ACSBG1: variants seen among roughly 807,000 people sequenced by gnomAD.
ACSBG1 encodes acyl-CoA synthetase bubblegum family member 1, also known as long-chain-fatty-acid--CoA ligase ACSBG1.
A neutral mutation model predicts 80.2 loss-of-function variants in ACSBG1; 39 were observed. That is an observed-to-expected ratio of 0.49 (90% CI 0.38 to 0.64). The LOEUF (loss-of-function observed/expected upper bound fraction) is 0.64. ACSBG1 is among the 30% of genes least tolerant of loss of function. ACSBG1 has a pLI of 0.00. For synonymous variants in ACSBG1, 392 were observed against 379.5 expected, an observed-to-expected ratio of 1.03 and a Z score of -0.38; for missense variants, 828 against 966.4, an observed-to-expected ratio of 0.86 and a Z score of 1.90.
chr15:78,223,553 C>T (rs1243281832), intron 1 of ACSBG1, among the ~76,000 whole-genome samples: 2 of 152,186 alleles, frequency 1.3e-5, no homozygotes, highest in South Asian at 2.1e-4. Flanking sequence ...AGTCCCTAGC[C>T]TCAGCCACCA....
intron 1 of ACSBG1, chr15:78,212,422 G>A (rs1021058510): frequency 1.3e-5 from 5 of 375,936 alleles, no homozygotes; most frequent in African/African-American, 9.2e-5. Flanking sequence ...AAGATTGAGA[G>A]GGTGACCAGC....
In ACSBG1 at chr15:78,171,538, G is replaced by T. The variant is rs758437551; in HGVS notation, c.2090-9C>A. On this transcript the variant is annotated splice_polypyrimidine_tract_variant and intron_variant, in intron 13 of 13. Coordinates refer to ENST00000258873, the MANE Select transcript of ACSBG1 (RefSeq NM_015162.5). Reference sequence around the variant, plus strand: ...CAGTTTCATCGTGGGACCTAAAAGGGAAATGAGAAGAAATGAGTGAGGCCC... The same window carrying T: ...CAGTTTCATCGTGGGACCTAAAAGGTAAATGAGAAGAAATGAGTGAGGCCC... 2 of 1,607,450 alleles carry T rather than the reference G, an allele frequency of 1.2e-6. No individual in the cohort carries two copies. Among genetic ancestry groups the T allele is most frequent in the Admixed American group, 1.7e-5 (1 of 59,990 alleles).
intron 1 of ACSBG1, among the ~76,000 whole-genome samples, chr15:78,223,269 G>A (rs753134468): frequency 2.0e-5 from 3 of 150,742 alleles, no homozygotes; most frequent in Non-Finnish European, 4.4e-5. Flanking sequence ...ACATAGGGAG[G>A]GGCCTGTTGG....
Position 78,169,746 on chromosome 15 carries a change from G to A in ACSBG1, c.*1698C>T, listed in dbSNP as rs1440763790. 6.6e-6 allele frequency: 1 copy of A among 152,202 alleles called. No individual in the cohort carries two copies. Among genetic ancestry groups the A allele is most frequent in the African/African-American group, 2.4e-5 (1 of 41,442 alleles). The allele number at this position is 152,202 out of a possible 1,614,324, so 9.4% of individuals were successfully genotyped here. ...TTCCAAGAGCTTTTAATGAAGCAGA[G>A]AGCTAGTACTTCATTTTCACTGGAT... On this transcript the variant is annotated 3_prime_UTR_variant, in exon 14 of 14. Coordinates refer to ENST00000258873, the MANE Select transcript of ACSBG1 (RefSeq NM_015162.5).
intron 1 of ACSBG1, chr15:78,213,496 G>A (rs1175131585): frequency 6.6e-6 from 1 of 152,392 alleles, no homozygotes; most frequent in Non-Finnish European, 1.5e-5. Flanking sequence ...CTCAGCTAAG[G>A]CATGCTGAGT....
At chr15:78,216,177 C>A (rs888478616) in intron 1 of ACSBG1, among the ~76,000 whole-genome samples, 2 of 152,180 alleles carry the variant, frequency 1.3e-5, no homozygotes, top group Non-Finnish European at 2.9e-5. Flanking sequence ...CCCTGAGGAT[C>A]CTCCTTCCTT....
chr15:78,194,596 A>C lies in ACSBG1; in HGVS notation c.363T>G (p.Ala121=). The C allele has an allele frequency of 6.2e-7, 1 of 1,614,260 alleles. No homozygotes were observed. Among genetic ancestry groups the C allele is most frequent in the Non-Finnish European group, 8.5e-7 (1 of 1,180,044 alleles). The change falls in exon 3 of 14, where the codon GCT becomes GCG. Residue 121 remains alanine, a synonymous_variant. Transcript: ENST00000258873. The part of the protein sequence containing the change: ...EALDKYGDLI[A]LGFKRQDKWE... ...ACTTGTCCTGGCGCTTGAAGCCCAA[A>C]GCGATGAGGTCCCCATACTTATCCA...
At chr15:78,211,449 G>A (rs150549739) in intron 1 of ACSBG1, among the ~76,000 whole-genome samples, 1 of 152,188 alleles carries the variant, frequency 6.6e-6, no homozygotes, top group East Asian at 1.9e-4. Context: ...GAATTCCCAG[G>A]AGGAAGAAGA....
intron 4 of ACSBG1, 79 bp downstream of exon 4, chr15:78,193,853 A>G: frequency 1.3e-6 from 2 of 1,536,226 alleles, no homozygotes; most frequent in Non-Finnish European, 1.8e-6. Context: ...GGGGGCTGCT[A>G]AAAAGAGATA....
chr15:78,198,331 G>A (rs1170282217), intron 2 of ACSBG1, among the ~76,000 whole-genome samples: 2 of 150,686 alleles, frequency 1.3e-5, no homozygotes, highest in Non-Finnish European at 3.0e-5. Flanking sequence ...GTGAGCCACC[G>A]TGCCCAGCCA....
In ACSBG1 at chr15:78,172,458, C is replaced by G. The variant is rs1201759315; in HGVS notation, c.2090-929G>C. Among the ~76,000 whole-genome samples, 1 of 152,128 alleles carries G rather than the reference C, an allele frequency of 6.6e-6. No homozygotes were observed. The highest frequency in any genetic ancestry group is 2.4e-5 in the African/African-American group (1 of 41,416). ...TCTTCCCCTAATTACTTTTCTTAAC[C>G]TTGATTTATCCCCCAAAAGCAAGTT... is the stretch of plus-strand genomic sequence containing the variant. On this transcript the variant is annotated intron_variant, in intron 13 of 13. Coordinates refer to ENST00000258873, the MANE Select transcript of ACSBG1 (RefSeq NM_015162.5). This position sits in a 1 kb window ranked among gnomAD's most constrained non-coding sequence, Gnocchi z 4.1.
chr15:78,173,967 C>T (rs1419253048), intron 12 of ACSBG1, 128 bp from the exon 13 acceptor site: 1 of 1,154,762 alleles, frequency 8.7e-7, no homozygotes, highest in Admixed American at 2.8e-5. Context: ...AGAGACGGTT[C>T]TAGAATGAGT....
Position 78,169,224 on chromosome 15 carries a change from T to G in ACSBG1, c.*2220A>C. ...CCAAGTGCTTGTTTTATTTATTAAG[T>G]GTCTACCTGGTAAATGTTTTTTTTG... is the stretch of plus-strand genomic sequence containing the variant. On this transcript the variant is annotated 3_prime_UTR_variant, in exon 14 of 14. Transcript: ENST00000258873. 1 of 361,858 alleles carries G rather than the reference T, an allele frequency of 2.8e-6. No individual in the cohort carries two copies. The highest frequency in any genetic ancestry group is 9.7e-5 in the South Asian group (1 of 10,270). The allele number at this position is 361,858 out of a possible 1,614,324, so 22.4% of individuals were successfully genotyped here. A position where few individuals can be genotyped will look rare whatever the true frequency, so the allele number is the denominator to read the frequency against.
At chr15:78,211,252 A>G (rs530280774) in intron 1 of ACSBG1, among the ~76,000 whole-genome samples, 1 of 152,268 alleles carries the variant, frequency 6.6e-6, no homozygotes, top group Non-Finnish European at 1.5e-5. Context: ...GTGAGTTGAT[A>G]TTACTGTCAT....
intron 1 of ACSBG1, among the ~76,000 whole-genome samples, chr15:78,217,454 G>A (rs1268662419): frequency 2.0e-5 from 3 of 152,170 alleles, no homozygotes; most frequent in Non-Finnish European, 4.4e-5. Context: ...CCTGTTGGGT[G>A]ACTGGGGTGG....
chr15:78,199,951 C>T (rs969442985), intron 2 of ACSBG1, among the ~76,000 whole-genome samples: 1 of 152,112 alleles, frequency 6.6e-6, no homozygotes, highest in Non-Finnish European at 1.5e-5. Flanking sequence ...TAATTTACTC[C>T]GCCACTCTCC....
chr15:78,221,630 G>A (rs1011948428), intron 1 of ACSBG1, among the ~76,000 whole-genome samples: 15 of 152,080 alleles, frequency 9.9e-5, no homozygotes, highest in African/African-American at 3.6e-4. Context: ...CAGGTGTCGG[G>A]CTGGGGGACA....
intron 1 of ACSBG1, among the ~76,000 whole-genome samples, chr15:78,231,120 A>AT (rs961398772): frequency 2.0e-5 from 3 of 151,146 alleles, no homozygotes; most frequent in Non-Finnish European, 2.9e-5. Context: ...CATCTGGCTA[A>AT]TTTTTTTTTC....
At chr15:78,213,296 G>C (rs1472810914) in intron 1 of ACSBG1, 1 of 152,450 alleles carries the variant, frequency 6.6e-6, no homozygotes, top group Non-Finnish European at 1.5e-5. Context: ...CTTCTCTTTA[G>C]TCTGCATGGA....
Sources: allele counts gnomAD v4.1 joint callset (sites outside exome capture counted in the v4.1 genomes callset), GRCh38; gene constraint gnomAD v4.1.1; non-coding constraint Gnocchi (gnomAD v3.1); transcripts MANE v1.5; gene names NCBI Gene and HGNC (gene_info 2026-07-23, HGNC 2026-07-21).